Variants in LIMK1 observed in about 807,000 individuals in gnomAD.
LIMK1 encodes the protein LIM domain kinase 1.
Under a neutral mutation model 77.6 loss-of-function variants are expected in LIMK1, and 21 were observed. The ratio of observed to expected loss-of-function variants is 0.27; its 90% CI spans 0.19 to 0.39. The LOEUF is 0.39. Ranked by LOEUF, LIMK1 falls within the 10% of genes least tolerant of loss-of-function variation. LIMK1 has a pLI of 1.00. For missense variants in LIMK1, 696 were observed against 901.6 expected, an observed-to-expected ratio of 0.77 and a Z score of 2.92; for synonymous variants, 358 against 370.0, an observed-to-expected ratio of 0.97 and a Z score of 0.37.
Position 74,085,740 on chromosome 7 carries a change from C to A in LIMK1, c.56-8C>A. 1 of 1,552,142 alleles carries A rather than the reference C, an allele frequency of 6.4e-7. No homozygotes were observed. On this transcript the variant is annotated splice_polypyrimidine_tract_variant and splice_region_variant and intron_variant, in intron 1 of 15. Coordinates refer to ENST00000336180, the MANE Select transcript of LIMK1 (RefSeq NM_002314.4). The stretch of plus-strand genomic sequence containing the variant: ...AGAATGCTTCCCAACTCCCTTCCCA[C>A]CCTGCAGGAAGCGAGTTGCCCGTGT...
In LIMK1 at chr7:74,115,919, G is replaced by A; in HGVS notation, c.1528G>A (p.Val510Met). Reference protein sequence around the residue: ...KPDRKKRYTVVGNPYWMAPEM... With the variant: ...KPDRKKRYTVMGNPYWMAPEM... The stretch of plus-strand genomic sequence containing the variant: ...AGACCGCAAGAAGCGCTACACCGTG[G>A]TGGGCAACCCCTACTGGATGGCACC... Residue 510 changes from valine (V) to methionine (M), a missense_variant, in exon 13 of 16, where the codon GTG becomes ATG. Val to Met is a conservative substitution (Grantham distance 21). Coordinates refer to ENST00000336180, the MANE Select transcript of LIMK1 (RefSeq NM_002314.4). The A allele has an allele frequency of 6.2e-7, 1 of 1,614,200 alleles. No homozygotes were observed. Among genetic ancestry groups the A allele is most frequent in the Non-Finnish European group, 8.5e-7 (1 of 1,180,022 alleles).
At position 74,121,304 on chromosome 7, in the gene LIMK1, C is replaced by G; in HGVS notation, c.*3C>G. On this transcript the variant is annotated 3_prime_UTR_variant, in exon 16 of 16. Transcript: ENST00000336180. ...CCCACCCTGAGGTCCCCGACTGAGC[C>G]AGGGCCACTCAGCTGCCCCTGTCCC... 6.3e-7 allele frequency: 1 copy of G among 1,581,512 alleles called. No individual in the cohort carries two copies. Among genetic ancestry groups the G allele is most frequent in the Middle Eastern group, 1.7e-4 (1 of 5,942 alleles).
intron 2 of LIMK1, among the ~76,000 whole-genome samples, chr7:74,089,882 A>AG (rs1217757963): frequency 4.6e-5 from 7 of 152,046 alleles, no homozygotes; most frequent in African/African-American, 1.7e-4. Context: ...GTCTGCGGTG[A>AG]GGGGGGAGAT....
chr7:74,098,545 G>A (rs1799381402), intron 4 of LIMK1, among the ~76,000 whole-genome samples: 1 of 152,168 alleles, frequency 6.6e-6, no homozygotes, highest in Admixed American at 6.6e-5. Context: ...TCCATAGGAA[G>A]AGTGAAAGAA....
intron 5 of LIMK1, among the ~76,000 whole-genome samples, chr7:74,105,329 G>T (rs547990314): frequency 3.3e-5 from 5 of 152,020 alleles, no homozygotes; most frequent in Non-Finnish European, 5.9e-5. Flanking sequence ...GGGAAATGTG[G>T]TGTAACCCCG....
intron 13 of LIMK1, among the ~76,000 whole-genome samples, chr7:74,118,398 A>T (rs1196683683): frequency 6.7e-6 from 1 of 150,200 alleles, no homozygotes; most frequent in Non-Finnish European, 1.5e-5. Context: ...ACACACACAC[A>T]CACACACACA....
chr7:74,086,204 C>T (rs1799135569), intron 2 of LIMK1, among the ~76,000 whole-genome samples: 1 of 151,882 alleles, frequency 6.6e-6, no homozygotes, highest in African/African-American at 2.4e-5. Context: ...CACCACCACG[C>T]CCAGCTAATT....
At position 74,106,094 on chromosome 7, in the gene LIMK1, G is replaced by A. The variant is rs782715335; in HGVS notation, c.732G>A (p.Gln244=). 1.5e-5 allele frequency: 24 copies of A among 1,613,970 alleles called. No individual in the cohort carries two copies. In the Admixed American group the frequency reaches 3.0e-4, roughly 20 times the overall value. ...VPLDEIDLLI[Q]ETSRLLQLTL... is the part of the protein sequence containing the mutation. ...GTCCCCAGATTGACCTGCTGATTCAGGAAACCAGCCGCCTGCTCCAGCTGA... is the reference window on the plus strand; with the variant it reads ...GTCCCCAGATTGACCTGCTGATTCAAGAAACCAGCCGCCTGCTCCAGCTGA... Residue 244 remains glutamine, a synonymous_variant, in exon 7 of 16, where the codon CAG becomes CAA. Coordinates refer to ENST00000336180, the MANE Select transcript of LIMK1 (RefSeq NM_002314.4).
chr7:74,084,633 C>T (rs1799097465), intron 1 of LIMK1, among the ~76,000 whole-genome samples: 1 of 152,198 alleles, frequency 6.6e-6, no homozygotes, highest in African/African-American at 2.4e-5. Flanking sequence ...TCCACTCTCC[C>T]TGTCCGTGCC....
rs1466533721 is a variant in LIMK1, at chr7:74,097,666, ACT to A, written c.401+480_401+481del. Among the ~76,000 whole-genome samples, 3 of 152,226 alleles carry A rather than the reference ACT, an allele frequency of 2.0e-5. No homozygotes were observed. In the South Asian group the frequency reaches 6.2e-4, roughly 32 times the overall value. On this transcript the variant is annotated intron_variant, in intron 4 of 15. Coordinates refer to ENST00000336180, the MANE Select transcript of LIMK1 (RefSeq NM_002314.4). ...CCTCCAGCCTAGGCAACAGAGCAAG[ACT>A]CTGTCTCAAAACAGAAAACCTCAGA...
intron 9 of LIMK1, 24 bp from the exon 10 acceptor site, chr7:74,108,881 C>T (rs1554698103): frequency 6.2e-7 from 1 of 1,610,108 alleles, no homozygotes; most frequent in African/African-American, 1.3e-5. Flanking sequence ...AGAGCCCGGG[C>T]CCAGCCTGTT....
At chr7:74,105,784 C>A in intron 5 of LIMK1, 91 bp from the exon 6 acceptor site, 2 of 810,222 alleles carry the variant, frequency 2.5e-6, no homozygotes, top group South Asian at 3.1e-5. Context: ...CCTCCACCTG[C>A]TCACCCTGGA....
intron 13 of LIMK1, among the ~76,000 whole-genome samples, chr7:74,118,736 G>C (rs1799871952): frequency 1.3e-5 from 2 of 151,978 alleles, no homozygotes; most frequent in Admixed American, 1.3e-4. Context: ...GGGCGACAGA[G>C]CAAGACTCTG....
chr7:74,115,777 G>GCATGAC, intron 12 of LIMK1, 25 bp from the exon 13 acceptor site: 1 of 1,611,106 alleles, frequency 6.2e-7, no homozygotes, highest in Non-Finnish European at 8.5e-7. Flanking sequence ...TCGGGTCCCA[G>GCATGAC]CATGACCCGG....
intron 5 of LIMK1, among the ~76,000 whole-genome samples, chr7:74,104,491 G>A (rs1340341192): frequency 2.0e-5 from 3 of 152,066 alleles, no homozygotes; most frequent in African/African-American, 7.2e-5. Context: ...CAGGCATGGT[G>A]GCACATGCCT....
intron 13 of LIMK1, among the ~76,000 whole-genome samples, chr7:74,120,293 G>A (rs1232126680): frequency 6.6e-6 from 1 of 152,180 alleles, no homozygotes; most frequent in Non-Finnish European, 1.5e-5. Context: ...TTCCCTTTTG[G>A]GACCAGCACA....
chr7:74,101,494 G>A (rs1031734254), intron 5 of LIMK1, among the ~76,000 whole-genome samples: 13 of 152,116 alleles, frequency 8.5e-5, no homozygotes, highest in African/African-American at 4.8e-5. Context: ...GCGACAGAGC[G>A]AGACCCTATC....
intron 7 of LIMK1, 140 bp downstream of exon 7, chr7:74,106,383 T>C (rs1364629277): frequency 5.8e-6 from 5 of 866,016 alleles, no homozygotes; most frequent in Non-Finnish European, 9.0e-6. Flanking sequence ...TGCAGTAAGC[T>C]GTCATCACAC....
intron 12 of LIMK1, among the ~76,000 whole-genome samples, chr7:74,114,729 C>T (rs1554699121): frequency 6.6e-6 from 1 of 150,818 alleles, no homozygotes; most frequent in South Asian, 2.1e-4. Flanking sequence ...TCCTGGCTAA[C>T]ACGGTGAAAC....
Sources: allele counts gnomAD v4.1 joint callset (sites outside exome capture counted in the v4.1 genomes callset), GRCh38; gene constraint gnomAD v4.1.1; transcripts MANE v1.5; gene names NCBI Gene and HGNC (gene_info 2026-07-23, HGNC 2026-07-21).